Variants in NLRP11 observed in about 807,000 individuals in gnomAD.
NLRP11 encodes the protein NACHT, LRR and PYD domains-containing protein 11.
NLRP11 carries 53 observed loss-of-function variants against 79.3 expected under a neutral mutation model. That is an observed-to-expected ratio of 0.67 (90% CI 0.54 to 0.84). NLRP11 has a LOEUF of 0.84. Among genes scored for constraint, NLRP11 ranks in the 40% least tolerant of loss-of-function variants. The pLI, the probability that NLRP11 is intolerant of heterozygous loss-of-function variation, is 0.00. For synonymous variants in NLRP11, 518 were observed against 462.6 expected, an observed-to-expected ratio of 1.12 and a Z score of -1.54; for missense variants, 1,264 against 1,255.0, an observed-to-expected ratio of 1.01 and a Z score of -0.11.
chr19:55,831,730 ATC>A (rs1312103892), intron 1 of NLRP11, among the ~76,000 whole-genome samples: 5 of 148,788 alleles, frequency 3.4e-5, no homozygotes, highest in African/African-American at 1.0e-4. Flanking sequence ...ATGCAATTTT[ATC>A]TGTCAACTTA....
At chr19:55,785,662 A>G (rs925645925) in exon 10 of NLRP11, 14 of 1,613,936 alleles carry the variant, frequency 8.7e-6, no homozygotes, top group Non-Finnish European at 1.2e-5. Flanking sequence ...TGACGTTCTC[A>G]TGGCTGCAGA....
chr19:55,796,365 A>C, intron 5 of NLRP11, 115 bp from the exon 6 acceptor site: 1 of 797,952 alleles, frequency 1.3e-6, no homozygotes, highest in Non-Finnish European at 1.9e-6. Flanking sequence ...TCTACTTGGA[A>C]ATAAATAGAT....
intron 4 of NLRP11, among the ~76,000 whole-genome samples, chr19:55,804,498 T>C (rs1165706920): frequency 4.6e-5 from 7 of 151,582 alleles, no homozygotes. Flanking sequence ...CTTAGCAAAC[T>C]ATCACAGGAA....
At chr19:55,794,026 G>C (rs1978557825) in intron 6 of NLRP11, among the ~76,000 whole-genome samples, 1 of 152,130 alleles carries the variant, frequency 6.6e-6, no homozygotes, top group Admixed American at 6.6e-5. Context: ...CTTAGGCTTA[G>C]AAATTCCTTG....
chr19:55,801,586 T>C (rs763811691), exon 5 of NLRP11: 3 of 1,614,140 alleles, frequency 1.9e-6, no homozygotes, highest in South Asian at 1.1e-5. Flanking sequence ...GATGACTTAT[T>C]TGGCATGTGG....
At chr19:55,797,333 A>T (rs575875088) in intron 5 of NLRP11, among the ~76,000 whole-genome samples, 4 of 152,152 alleles carry the variant, frequency 2.6e-5, no homozygotes, top group Non-Finnish European at 5.9e-5. Context: ...GAATAAAAAT[A>T]AGTGATCTTT....
At chr19:55,836,474 A>G (rs965104490), upstream of NLRP11, 1 of 152,126 alleles carries the variant, frequency 6.6e-6, no homozygotes, top group Non-Finnish European at 1.5e-5. Flanking sequence ...ATGGCAAGGG[A>G]GCAATTCGTT....
At chr19:55,790,770 C>T (rs910195072) in intron 7 of NLRP11, among the ~76,000 whole-genome samples, 5 of 152,110 alleles carry the variant, frequency 3.3e-5, no homozygotes, top group African/African-American at 1.2e-4. Context: ...GAGACTGGCC[C>T]GGGCAATATA....
intron 4 of NLRP11, among the ~76,000 whole-genome samples, chr19:55,807,591 T>C (rs1980120932): frequency 6.6e-6 from 1 of 152,140 alleles, no homozygotes; most frequent in South Asian, 2.1e-4. Flanking sequence ...CTCCTGAAGC[T>C]TCTAGATAAA....
At chr19:55,796,834 A>G (rs1026680748) in intron 5 of NLRP11, among the ~76,000 whole-genome samples, 32 of 152,102 alleles carry the variant, frequency 2.1e-4, no homozygotes, top group East Asian at 5.8e-4. Context: ...GATTACAGGC[A>G]TGCGTTACCA....
chr19:55,812,763 C>G (rs939686457), intron 2 of NLRP11, among the ~76,000 whole-genome samples: 10 of 152,246 alleles, frequency 6.6e-5, no homozygotes, highest in African/African-American at 2.2e-4. Flanking sequence ...GTCAGAAAAG[C>G]CTGTCAAGGA....
upstream of NLRP11, among the ~76,000 whole-genome samples, chr19:55,832,301 A>G (rs911410585): frequency 2.0e-5 from 3 of 152,232 alleles, no homozygotes; most frequent in African/African-American, 4.8e-5. Context: ...TTTTCCACCA[A>G]TAATCTCAAT....
intron 3 of NLRP11, among the ~76,000 whole-genome samples, chr19:55,808,249 G>C (rs1367087702): frequency 6.6e-6 from 1 of 152,160 alleles, no homozygotes; most frequent in Non-Finnish European, 1.5e-5. Context: ...TTAAATGCGA[G>C]ATTATTAAAT....
chr19:55,822,483 G>T (rs923929741), intron 1 of NLRP11, among the ~76,000 whole-genome samples: 1 of 152,106 alleles, frequency 6.6e-6, no homozygotes, highest in Non-Finnish European at 1.5e-5. Flanking sequence ...GGTGATTTCC[G>T]CATTTCCATC....
upstream of NLRP11, among the ~76,000 whole-genome samples, chr19:55,833,379 G>C (rs1982959832): frequency 6.6e-6 from 1 of 152,102 alleles, no homozygotes. Context: ...CAAGCCAAGA[G>C]ACGCCTGAAG....
At chr19:55,792,497 T>C (rs780428289) in intron 6 of NLRP11, 26 bp from the exon 7 acceptor site, 8 of 1,607,740 alleles carry the variant, frequency 5.0e-6, no homozygotes, top group African/African-American at 4.0e-5. Flanking sequence ...AGTGAGTCAG[T>C]GACAGTGTGA....
In NLRP11 at chr19:55,818,360, G is replaced by C. The variant is rs943628358; in HGVS notation, c.-62-124C>G. 4.4e-5 allele frequency: 26 copies of C among 586,514 alleles called. No individual in the cohort carries two copies. The East Asian group carries it at 5.4e-4, about 12-fold the overall frequency. 36.3% of individuals were successfully genotyped at this position (586,514 alleles called of 1,614,324 possible). ...CTTTCTGATAGGCCATCAACGATAA[G>C]TCTGAACTCTTTCTGTCTGGGTCAA... On this transcript the variant is annotated intron_variant, in intron 1 of 9. Coordinates refer to ENST00000589093, the Ensembl canonical transcript of NLRP11.
chr19:55,800,803 A>G (rs923803407), intron 5 of NLRP11, among the ~76,000 whole-genome samples: 1 of 152,172 alleles, frequency 6.6e-6, no homozygotes, highest in African/African-American at 2.4e-5. Context: ...TTTTACAAAA[A>G]AGGGAATATA....
At position 55,810,204 on chromosome 19, in the gene NLRP11, AG is replaced by A; in HGVS notation, c.405del (p.Tyr136MetfsTer16). The stretch of plus-strand genomic sequence containing the variant: ...GCTGAATAATAGCTGGTAGAATCAT[AG>A]GCTAATTGAAGTATGTAGAACACAT... On this transcript the variant is annotated frameshift_variant, in exon 3 of 10. Transcript: ENST00000589093. LOFTEE classifies it high-confidence loss of function. The A allele has an allele frequency of 6.2e-7, 1 of 1,614,128 alleles. No individual in the cohort carries two copies. The highest frequency in any genetic ancestry group is 8.5e-7 in the Non-Finnish European group (1 of 1,179,964).
Sources: gnomAD v4.1 joint callset for allele counts (sites outside exome capture counted in the v4.1 genomes callset) on GRCh38, gnomAD v4.1.1 for gene constraint, MANE v1.5 for transcripts, NCBI Gene and HGNC (gene_info 2026-07-23, HGNC 2026-07-21) for gene names.